Variants in PDE4B observed in about 807,000 individuals in gnomAD.
PDE4B encodes the protein phosphodiesterase 4B, also known as 3',5'-cyclic-AMP phosphodiesterase 4B.
PDE4B carries 20 observed loss-of-function variants against 82.2 expected under a neutral mutation model. That is an observed-to-expected ratio of 0.24 (90% CI 0.17 to 0.35). The LOEUF is 0.35. Among genes scored for constraint, PDE4B ranks in the 10% least tolerant of loss-of-function variants. The pLI is 1.00. For missense variants in PDE4B, 655 were observed against 907.2 expected, an observed-to-expected ratio of 0.72 and a Z score of 3.57; for synonymous variants, 320 against 318.9, an observed-to-expected ratio of 1.00 and a Z score of -0.04.
At chr1:66,306,101 T>C (rs1395147353) in intron 7 of PDE4B, among the ~76,000 whole-genome samples, 1 of 151,986 alleles carries the variant, frequency 6.6e-6, no homozygotes, top group Non-Finnish European at 1.5e-5. Flanking sequence ...TCAAAGACAA[T>C]GTGCTGAAAA....
At chr1:65,899,741 C>A (rs535068313) in intron 1 of PDE4B, among the ~76,000 whole-genome samples, 1 of 150,732 alleles carries the variant, frequency 6.6e-6, no homozygotes, top group Non-Finnish European at 1.5e-5. Context: ...GTGACCTGGA[C>A]GACATTGGAG....
chr1:66,260,122 A>G (rs1654575713), intron 6 of PDE4B, among the ~76,000 whole-genome samples: 1 of 152,196 alleles, frequency 6.6e-6, no homozygotes, highest in Non-Finnish European at 1.5e-5. Context: ...GGGTTTTCAT[A>G]TCTGTTGTCA....
intron 1 of PDE4B, among the ~76,000 whole-genome samples, chr1:65,871,883 G>T (rs527738253): frequency 6.6e-6 from 1 of 152,176 alleles, no homozygotes; most frequent in South Asian, 2.1e-4. Flanking sequence ...CCTAAGCTTT[G>T]AATATGATTT....
rs1647116887 is a variant in PDE4B at position 65,913,225 on chromosome 1, T to A, written c.-70-20T>A. The stretch of plus-strand genomic sequence containing the variant: ...AAGGATACAGAGCTGTTCTTTTTTG[T>A]GTGTTTTTTTCTCCTGTAGGTATTA... On this transcript the variant is annotated intron_variant, in intron 1 of 16. Transcript: ENST00000341517. 8.5e-6 allele frequency: 9 copies of A among 1,064,796 alleles called. No individual in the cohort carries two copies. The highest frequency in any genetic ancestry group is 1.2e-5 in the Non-Finnish European group (8 of 690,534). 66.0% of individuals were successfully genotyped at this position (1,064,796 alleles called of 1,614,324 possible).
At chr1:65,995,141 T>C (rs2100689055) in intron 3 of PDE4B, among the ~76,000 whole-genome samples, 1 of 152,304 alleles carries the variant, frequency 6.6e-6, no homozygotes, top group Admixed American at 6.5e-5. Context: ...TCATTAAACT[T>C]GTGAAATAAC....
chr1:65,918,890 C>A, intron 3 of PDE4B, 55 bp downstream of exon 3: 1 of 1,074,002 alleles, frequency 9.3e-7, no homozygotes, highest in Non-Finnish European at 1.4e-6. Flanking sequence ...CCAATTTCTC[C>A]AAATACAATT....
At chr1:66,169,829 G>A (rs1045964060) in intron 3 of PDE4B, among the ~76,000 whole-genome samples, 2 of 152,084 alleles carry the variant, frequency 1.3e-5, no homozygotes, top group African/African-American at 4.8e-5. Flanking sequence ...TTTTTTGGAG[G>A]CATATTGGAA....
At chr1:66,144,487 G>A (rs924756129) in intron 3 of PDE4B, among the ~76,000 whole-genome samples, 6 of 152,130 alleles carry the variant, frequency 3.9e-5, no homozygotes, top group African/African-American at 1.4e-4. Flanking sequence ...CCAAAGATTT[G>A]GAATGTAAAT....
chr1:66,060,270 T>C (rs931869233), intron 3 of PDE4B, among the ~76,000 whole-genome samples: 8 of 152,208 alleles, frequency 5.3e-5, no homozygotes, highest in African/African-American at 1.9e-4. Context: ...ACTAACTCTT[T>C]CGGTATTGTG....
chr1:66,182,790 G>A (rs1470633542), intron 3 of PDE4B, among the ~76,000 whole-genome samples: 1 of 152,182 alleles, frequency 6.6e-6, no homozygotes. Flanking sequence ...GAAAAACAGT[G>A]ATTCATAGCC....
rs763209512 is a variant in PDE4B at position 66,363,492 on chromosome 1, A to G, written c.1205A>G (p.Asp402Gly). The part of the protein sequence containing the change: ...MMTLEDHYHS[D>G]VAYHNSLHAA... ...ACTTTAGAAGACCATTACCATTCTG[A>G]CGTGGCATATCACAACAGCCTGCAC... The change falls in exon 12 of 17, where the codon GAC becomes GGC. Residue 402 changes from aspartate (D) to glycine (G), a missense_variant. Around this residue, in one of 3 missense-constraint regions of PDE4B, gnomAD observed 283 missense variants for 516.4 expected, o/e 0.55. Coordinates refer to ENST00000341517, the MANE Select transcript of PDE4B (RefSeq NM_002600.4). 2.1e-5 allele frequency: 34 copies of G among 1,613,602 alleles called. No individual in the cohort carries two copies. Among genetic ancestry groups the G allele is most frequent in the Non-Finnish European group, 4.2e-6 (5 of 1,179,756 alleles).
intron 3 of PDE4B, among the ~76,000 whole-genome samples, chr1:66,101,537 A>G (rs1186724850): frequency 6.6e-6 from 1 of 152,068 alleles, no homozygotes; most frequent in Admixed American, 6.6e-5. Context: ...ACTGGTGTGA[A>G]ATGGTATCTC....
intron 3 of PDE4B, among the ~76,000 whole-genome samples, chr1:65,986,224 G>C (rs560719889): frequency 6.6e-6 from 1 of 152,116 alleles, no homozygotes; most frequent in Non-Finnish European, 1.5e-5. Flanking sequence ...AGGTGAATAC[G>C]ATAGTTTATG....
intron 1 of PDE4B, among the ~76,000 whole-genome samples, chr1:65,818,334 G>A (rs1416645406): frequency 1.3e-5 from 2 of 151,934 alleles, no homozygotes; most frequent in Non-Finnish European, 2.9e-5. Context: ...TAAATTACTT[G>A]TAATTTTCCT....
chr1:65,874,426 T>C (rs1486759255), intron 1 of PDE4B, among the ~76,000 whole-genome samples: 1 of 152,158 alleles, frequency 6.6e-6, no homozygotes, highest in Non-Finnish European at 1.5e-5. Flanking sequence ...TCCTGCCTAA[T>C]TGCCCTGGCC....
chr1:65,803,325 T>C (rs536692114), intron 1 of PDE4B, among the ~76,000 whole-genome samples: 3 of 152,278 alleles, frequency 2.0e-5, no homozygotes, highest in African/African-American at 7.2e-5. Context: ...ATAATGGATG[T>C]GAAGTGCATT....
chr1:66,277,643 C>T (rs1655983364), intron 7 of PDE4B, among the ~76,000 whole-genome samples: 1 of 152,210 alleles, frequency 6.6e-6, no homozygotes, highest in African/African-American at 2.4e-5. Flanking sequence ...ATCTGCGTGC[C>T]TCGGCCTCCC....
At chr1:66,336,002 C>G (rs1308943038) in intron 8 of PDE4B, among the ~76,000 whole-genome samples, 1 of 152,182 alleles carries the variant, frequency 6.6e-6, no homozygotes, top group Non-Finnish European at 1.5e-5. Flanking sequence ...GATGCTTTGG[C>G]TCTCCATTAT....
At chr1:66,016,597 G>A (rs1652793654) in intron 3 of PDE4B, among the ~76,000 whole-genome samples, 1 of 152,170 alleles carries the variant, frequency 6.6e-6, no homozygotes, top group Admixed American at 6.5e-5. Context: ...AATCCAGTCA[G>A]TGAGAGGAAA....
Sources: allele counts gnomAD v4.1 joint callset (sites outside exome capture counted in the v4.1 genomes callset), GRCh38; gene constraint gnomAD v4.1.1; regional missense constraint gnomAD v4.1.1; transcripts MANE v1.5; gene names NCBI Gene and HGNC (gene_info 2026-07-23, HGNC 2026-07-21).